MB21D2: variants seen among roughly 807,000 people sequenced by gnomAD.
MB21D2 encodes the protein nucleotidyltransferase MB21D2.
Under a neutral mutation model 33.3 loss-of-function variants are expected in MB21D2, and 9 were observed. The ratio of observed to expected loss-of-function variants is 0.27; its 90% confidence interval spans 0.16 to 0.47. The LOEUF (loss-of-function observed/expected upper bound fraction) is 0.47, where lower values mean the gene tolerates loss of function less well. Among genes scored for constraint, MB21D2 ranks in the 20% least tolerant of loss-of-function variants. The probability of loss-of-function intolerance (pLI) is 0.99; values close to 1 mark genes in which losing one functional copy is unlikely to be tolerated. For synonymous variants in MB21D2, 241 were observed against 236.3 expected, an observed-to-expected ratio of 1.02 and a Z score of -0.18; for missense variants, 540 against 624.6, an observed-to-expected ratio of 0.86 and a Z score of 1.44.
chr3:192,881,044 T>A (rs1341364847), intron 1 of MB21D2, among the ~76,000 whole-genome samples: 1 of 152,116 alleles, frequency 6.6e-6, no homozygotes, highest in Non-Finnish European at 1.5e-5. Flanking sequence ...TAGAAGATGA[T>A]CTGGATGTTC....
rs923830417 is a variant in MB21D2, at chr3:192,797,551, G to A, written c.*835C>T. The A allele has an allele frequency of 2.6e-5, 4 of 152,572 alleles. No individual in the cohort carries two copies. Among genetic ancestry groups the A allele is most frequent in the African/African-American group, 9.7e-5 (4 of 41,432 alleles). 9.5% of individuals were successfully genotyped at this position (152,572 alleles called of 1,614,324 possible). ...ATAGAAATGGGCAAAATGAAAAAATGATAGAATTTCGAGAGTGGTTGTTAA... is the reference window on the plus strand; with the variant it reads ...ATAGAAATGGGCAAAATGAAAAAATAATAGAATTTCGAGAGTGGTTGTTAA... On this transcript the variant is annotated 3_prime_UTR_variant, in exon 2 of 2. Coordinates refer to ENST00000392452, the MANE Select transcript of MB21D2 (RefSeq NM_178496.4).
chr3:192,798,240 C>G lies in MB21D2; in HGVS notation c.*146G>C. 1 of 820,426 alleles carries G rather than the reference C, an allele frequency of 1.2e-6. No individual in the cohort carries two copies. The highest frequency in any genetic ancestry group is 1.9e-6 in the Non-Finnish European group (1 of 531,832). 50.8% of individuals were successfully genotyped at this position (820,426 alleles called of 1,614,324 possible). On this transcript the variant is annotated 3_prime_UTR_variant, in exon 2 of 2. Transcript: ENST00000392452. The surrounding 1 kb of genome is among the most constrained non-coding windows in gnomAD (Gnocchi z 4.8). ...GTAATATACTGTTTCAGAGCCTGCA[C>G]CATCCTGCAGAACCAGGAAACTTAA...
intron 1 of MB21D2, among the ~76,000 whole-genome samples, chr3:192,907,194 AC>A (rs1714232908): frequency 6.6e-6 from 1 of 152,140 alleles, no homozygotes; most frequent in South Asian, 2.1e-4. Flanking sequence ...GCTGGCAAGT[AC>A]TTACCCAGGT....
chr3:192,876,706 C>G (rs9843774), intron 1 of MB21D2, among the ~76,000 whole-genome samples: 90,562 of 152,024 alleles, frequency 0.6, 28,423 homozygotes, highest in African/African-American at 0.79. Context: ...GTGGCTCCCC[C>G]AGGAGCCATG....
chr3:192,895,677 A>C (rs1227959734), intron 1 of MB21D2, among the ~76,000 whole-genome samples: 1 of 152,214 alleles, frequency 6.6e-6, no homozygotes, highest in South Asian at 2.1e-4. Flanking sequence ...TAAGACATTT[A>C]GAAAATCACT....
chr3:192,831,134 C>T (rs1205895320), intron 1 of MB21D2, among the ~76,000 whole-genome samples: 4 of 152,188 alleles, frequency 2.6e-5, no homozygotes, highest in Non-Finnish European at 4.4e-5. Flanking sequence ...GACACTGCAA[C>T]CTTTTCTTGC....
intron 1 of MB21D2, among the ~76,000 whole-genome samples, chr3:192,914,638 A>G (rs183489784): frequency 6.6e-6 from 1 of 151,978 alleles, no homozygotes; most frequent in Admixed American, 6.5e-5. Context: ...AATAACACCA[A>G]TCATTCTCCT....
intron 1 of MB21D2, among the ~76,000 whole-genome samples, chr3:192,908,973 C>T (rs1039342037): frequency 1.3e-5 from 2 of 151,824 alleles, no homozygotes; most frequent in Admixed American, 6.6e-5. Context: ...ATACAAAATG[C>T]GGCCGGGCAC....
intron 1 of MB21D2, among the ~76,000 whole-genome samples, chr3:192,871,246 A>G (rs1402750449): frequency 6.6e-6 from 1 of 152,190 alleles, no homozygotes; most frequent in Non-Finnish European, 1.5e-5. Flanking sequence ...ACATACTTGC[A>G]AACTGAGTGC....
intron 1 of MB21D2, among the ~76,000 whole-genome samples, chr3:192,914,691 T>C (rs1002424953): frequency 1.1e-4 from 16 of 152,222 alleles, no homozygotes; most frequent in East Asian, 1.9e-4. Flanking sequence ...ATCTAGACAA[T>C]TGCAGCTAAC....
chr3:192,799,176 C>T lies in MB21D2; in HGVS notation c.686G>A (p.Ser229Asn). 4 of 1,614,228 alleles carry T rather than the reference C, an allele frequency of 2.5e-6. No homozygotes were observed. Among genetic ancestry groups the T allele is most frequent in the Non-Finnish European group, 3.4e-6 (4 of 1,180,036 alleles). Residue 229 changes from serine (S) to asparagine (N), a missense_variant, in exon 2 of 2, where the codon AGT becomes AAT. Coordinates refer to ENST00000392452, the MANE Select transcript of MB21D2 (RefSeq NM_178496.4). This position sits in a 1 kb window ranked among gnomAD's most constrained non-coding sequence, Gnocchi z 4.1. ...AGGGACAATATCATACAACATGCGA[C>T]TACTCCCTACACCCAGAATGATGGA... ...IISIILGVGS[S>N]RMLYDIVPVV...
chr3:192,865,256 C>G (rs1413743078), intron 1 of MB21D2, among the ~76,000 whole-genome samples: 5 of 152,172 alleles, frequency 3.3e-5, no homozygotes, highest in African/African-American at 1.2e-4. Flanking sequence ...ACCCAGGGAG[C>G]TGATCAGCAT....
In MB21D2 at chr3:192,799,381, A is replaced by G; in HGVS notation, c.481T>C (p.Trp161Arg). ...RLFDEGTISK[W>R]KDCCTIVDHI... ...TCTACAATGGTGCAGCAGTCTTTCC[A>G]TTTACTGATTGTCCCCTCATCAAAG... Residue 161 changes from tryptophan to arginine, a missense_variant, in exon 2 of 2, where the codon TGG becomes CGG. Trp to Arg is a moderately radical substitution (Grantham distance 101, BLOSUM62 -3). Coordinates refer to ENST00000392452, the MANE Select transcript of MB21D2 (RefSeq NM_178496.4). The surrounding 1 kb of genome is among the most constrained non-coding windows in gnomAD (Gnocchi z 4.1). The G allele has an allele frequency of 6.2e-7, 1 of 1,614,222 alleles. No individual in the cohort carries two copies.
intron 1 of MB21D2, among the ~76,000 whole-genome samples, chr3:192,894,988 GCAT>G (rs1390999999): frequency 3.3e-5 from 5 of 151,704 alleles, no homozygotes; most frequent in African/African-American, 1.2e-4. Context: ...GGTTCTTTGG[GCAT>G]CAAACTCATC....
intron 1 of MB21D2, among the ~76,000 whole-genome samples, chr3:192,830,231 A>T (rs1168628326): frequency 1.0e-5 from 1 of 100,030 alleles, no homozygotes; most frequent in Non-Finnish European, 1.8e-5. Context: ...TTCAAAGATG[A>T]GTGTGTGTGA....
intron 1 of MB21D2, among the ~76,000 whole-genome samples, chr3:192,911,507 A>G (rs1466693586): frequency 1.3e-5 from 2 of 152,310 alleles, no homozygotes; most frequent in African/African-American, 4.8e-5. Context: ...CAAGCCTAAC[A>G]CAGGACAGGA....
intron 1 of MB21D2, among the ~76,000 whole-genome samples, chr3:192,909,037 C>T (rs575443307): frequency 2.0e-5 from 3 of 151,846 alleles, no homozygotes; most frequent in East Asian, 2.0e-4. Flanking sequence ...AGGCAGATCA[C>T]GAGGTCGGGA....
At chr3:192,801,884 CTT>C (rs1330380653) in intron 1 of MB21D2, among the ~76,000 whole-genome samples, 1 of 152,138 alleles carries the variant, frequency 6.6e-6, no homozygotes, top group Non-Finnish European at 1.5e-5. Flanking sequence ...ATGAAAAAGT[CTT>C]TTATTTAGTA....
At chr3:192,867,295 T>C (rs536419691) in intron 1 of MB21D2, among the ~76,000 whole-genome samples, 8 of 152,290 alleles carry the variant, frequency 5.3e-5, no homozygotes, top group Admixed American at 2.6e-4. Context: ...TCTCTCTCTC[T>C]CTGGCTGAGA....
Sources: gnomAD v4.1 joint callset for allele counts (sites outside exome capture counted in the v4.1 genomes callset) on GRCh38, gnomAD v4.1.1 for gene constraint, Gnocchi (gnomAD v3.1) non-coding constraint, MANE v1.5 for transcripts, NCBI Gene and HGNC (gene_info 2026-07-23, HGNC 2026-07-21) for gene names.